Variants in TSNAXIP1 observed in about 807,000 individuals in gnomAD.
The protein encoded by TSNAXIP1 is translin associated factor X interacting protein 1, also known as translin-associated factor X-interacting protein 1.
A neutral mutation model predicts 84.8 loss-of-function variants in TSNAXIP1; 89 were observed. The ratio of observed to expected loss-of-function variants is 1.05; its 90% confidence interval spans 0.88 to 1.25. The LOEUF (loss-of-function observed/expected upper bound fraction) is 1.25, where lower values mean the gene tolerates loss of function less well. Ranked by LOEUF, TSNAXIP1 falls within the 50% of genes most tolerant of loss-of-function variation. TSNAXIP1 has a pLI of 0.00. For synonymous variants in TSNAXIP1, 347 were observed against 335.2 expected, an observed-to-expected ratio of 1.04 and a Z score of -0.39; for missense variants, 874 against 887.6, an observed-to-expected ratio of 0.98 and a Z score of 0.20.
At chr16:67,818,102 G>A (rs974256159) in intron 2 of TSNAXIP1, among the ~76,000 whole-genome samples, 11 of 151,930 alleles carry the variant, frequency 7.2e-5, no homozygotes, top group Admixed American at 6.6e-4. Context: ...CCGGCTACTC[G>A]GGAGGCTGAG....
rs1411298138 is a variant in TSNAXIP1 at position 67,807,323 on chromosome 16, C to T, written c.47+127C>T. The T allele has an allele frequency of 1.8e-5, 28 of 1,534,144 alleles. No homozygotes were observed. The Admixed American group carries it at 5.5e-4, about 30-fold the overall frequency. On this transcript the variant is annotated intron_variant, in intron 1 of 15. Coordinates refer to ENST00000561639, the MANE Select transcript of TSNAXIP1 (RefSeq NM_001288990.3). ...CCATTGATCTAGGGCTCCAGCACCA[C>T]AGAGTCAATGGTTAGAATCGGGCTG... is the stretch of plus-strand genomic sequence containing the variant.
In TSNAXIP1 at chr16:67,826,418, C is replaced by A. The variant is rs772571979; in HGVS notation, c.1276-19C>A. The stretch of plus-strand genomic sequence containing the variant: ...GGCCACAGATGGGTCCAGAGATGAG[C>A]TGATATCCTCCCTCCTAGGGCTATG... On this transcript the variant is annotated intron_variant, in intron 10 of 15. Transcript: ENST00000561639. 2.5e-6 allele frequency: 4 copies of A among 1,613,026 alleles called. No individual in the cohort carries two copies. The South Asian group carries it at 4.4e-5, about 18-fold the overall frequency.
At chr16:67,812,900 C>T (rs924206350) in intron 1 of TSNAXIP1, among the ~76,000 whole-genome samples, 1 of 152,104 alleles carries the variant, frequency 6.6e-6, no homozygotes, top group Admixed American at 6.6e-5. Flanking sequence ...CATGAGCTAC[C>T]ACGCCCAGAT....
chr16:67,824,065 C>T lies in TSNAXIP1; in HGVS notation c.481+346C>T, dbSNP rs563586055. 2.6e-5 allele frequency among the ~76,000 whole-genome samples: 4 copies of T among 151,612 alleles called. No individual in the cohort carries two copies. In the East Asian group the frequency reaches 7.7e-4, roughly 29 times the overall value. Reference sequence around the variant, plus strand: ...ATGCAGCTCCCCTCCTTGTCCCAGCCTGGAAGGGGTGGAGAAGATCCTATT... The same window carrying T: ...ATGCAGCTCCCCTCCTTGTCCCAGCTTGGAAGGGGTGGAGAAGATCCTATT... On this transcript the variant is annotated intron_variant, in intron 5 of 15. Coordinates refer to ENST00000561639, the MANE Select transcript of TSNAXIP1 (RefSeq NM_001288990.3).
chr16:67,818,695 A>AC (rs2056787697), intron 2 of TSNAXIP1, among the ~76,000 whole-genome samples: 1 of 143,010 alleles, frequency 7.0e-6, no homozygotes, highest in Non-Finnish European at 1.5e-5. Flanking sequence ...ACATAGTGAG[A>AC]CCCCATCCTT....
chr16:67,825,006 C>T (rs2057334794), intron 6 of TSNAXIP1, 131 bp from the exon 7 acceptor site: 1 of 1,329,396 alleles, frequency 7.5e-7, no homozygotes, highest in Non-Finnish European at 1.0e-6. Context: ...TGGCCAATCT[C>T]CTTCTTCTTT....
At chr16:67,814,629 C>G (rs898457879) in intron 2 of TSNAXIP1, among the ~76,000 whole-genome samples, 1 of 152,102 alleles carries the variant, frequency 6.6e-6, no homozygotes, top group African/African-American at 2.4e-5. Flanking sequence ...AAAGCCTTCC[C>G]GGATCTCCCT....
rs909516501 is a variant in TSNAXIP1, at chr16:67,824,655, A to G, written c.554A>G (p.Asn185Ser). 7.4e-6 allele frequency: 12 copies of G among 1,614,050 alleles called. No individual in the cohort carries two copies. The highest frequency in any genetic ancestry group is 5.0e-5 in the Admixed American group (3 of 59,996). Residue 185 changes from asparagine to serine, a missense_variant, in exon 6 of 16, where the codon AAT becomes AGT. Asn to Ser is a conservative substitution (Grantham distance 46). Transcript: ENST00000561639. ...AKLVTVNEDCNERILAMRAEE... is the reference protein window; with the variant it reads ...AKLVTVNEDCSERILAMRAEE... ...CTTGTCACTGTGAATGAGGACTGCA[A>G]TGAGAGGATCCTGGCCATGAGAGCT... is the stretch of plus-strand genomic sequence containing the variant.
Position 67,823,712 on chromosome 16 carries a change from GATGCTGGGTAAGAATGCACCTCCT to G in TSNAXIP1, c.475_481+17del. ...CCTCCATCAAGAATGCGTATGAGGG[GATGCTGGGTAAGAATGCACCTCCT>G]GCCAGGCGTAGTGGCTCACGCCTGT... On this transcript the variant is annotated splice_donor_variant and splice_donor_5th_base_variant and coding_sequence_variant and intron_variant, in exon 5 of 16. Coordinates refer to ENST00000561639, the MANE Select transcript of TSNAXIP1 (RefSeq NM_001288990.3). LOFTEE classifies it high-confidence loss of function. The G allele has an allele frequency of 6.2e-7, 1 of 1,612,230 alleles. No individual in the cohort carries two copies. The highest frequency in any genetic ancestry group is 8.5e-7 in the Non-Finnish European group (1 of 1,178,956).
At chr16:67,814,536 A>C in intron 2 of TSNAXIP1, 135 bp downstream of exon 2, 1 of 748,336 alleles carries the variant, frequency 1.3e-6, no homozygotes, top group East Asian at 2.7e-5. Context: ...GCTTCTTCTC[A>C]GTTAGAGAGT....
In TSNAXIP1 at chr16:67,828,026, G is replaced by T. The variant is rs1158835166; in HGVS notation, c.*33G>T. On this transcript the variant is annotated 3_prime_UTR_variant, in exon 16 of 16. Coordinates refer to ENST00000561639, the MANE Select transcript of TSNAXIP1 (RefSeq NM_001288990.3). ...TGGGCAGCCTGCGTACTCCAGTCCT[G>T]CTAACCCCTAGCTTTTAATATAAAA... The T allele has an allele frequency of 1.9e-6, 3 of 1,606,336 alleles. No homozygotes were observed.
chr16:67,819,196 C>A (rs1437393172), intron 2 of TSNAXIP1, among the ~76,000 whole-genome samples: 7 of 151,854 alleles, frequency 4.6e-5, no homozygotes, highest in South Asian at 4.2e-4. Flanking sequence ...TAAATAAATA[C>A]ATACATATAA....
intron 1 of TSNAXIP1, among the ~76,000 whole-genome samples, chr16:67,811,436 CTTTTTTTT>C (rs1190285857): frequency 2.0e-5 from 2 of 101,980 alleles, no homozygotes; most frequent in African/African-American, 8.8e-5. Context: ...ATTGATTAGT[CTTTTTTTT>C]TTTTTTTTTT....
intron 2 of TSNAXIP1, among the ~76,000 whole-genome samples, chr16:67,815,308 C>T (rs2056444930): frequency 9.5e-6 from 1 of 105,484 alleles, no homozygotes; most frequent in Admixed American, 1.3e-4. Flanking sequence ...AGCAAGACTA[C>T]ATCTCAAAAA....
Position 67,825,687 on chromosome 16 carries a change from G to A in TSNAXIP1, c.835G>A (p.Val279Met), listed in dbSNP as rs773705426. 1.1e-5 allele frequency: 17 copies of A among 1,613,332 alleles called. No homozygotes were observed. Among genetic ancestry groups the A allele is most frequent in the African/African-American group, 4.0e-5 (3 of 74,910 alleles). Residue 279 changes from valine to methionine, a missense_variant, in exon 8 of 16, where the codon GTG becomes ATG. Val to Met is a conservative substitution (Grantham distance 21, BLOSUM62 1). Transcript: ENST00000561639. The part of the protein sequence containing the change: ...QSPGIWGEDP[V>M]KLTLALKMTR... Reference sequence around the variant, plus strand: ...GGCAGGCATCTGGGGGGAGGACCCTGTGAAGTTAACCCTGGCTCTTAAGAT... The same window carrying A: ...GGCAGGCATCTGGGGGGAGGACCCTATGAAGTTAACCCTGGCTCTTAAGAT...
At chr16:67,825,019 C>A in intron 6 of TSNAXIP1, 118 bp from the exon 7 acceptor site, 1 of 1,390,676 alleles carries the variant, frequency 7.2e-7, no homozygotes. Context: ...TCTTCTTTCA[C>A]CTTTCCTGTT....
chr16:67,808,802 T>C (rs532653257), intron 1 of TSNAXIP1, among the ~76,000 whole-genome samples: 11 of 152,108 alleles, frequency 7.2e-5, no homozygotes, highest in African/African-American at 1.7e-4. Flanking sequence ...AAGAGAATTG[T>C]TACCCAGCAC....
Position 67,823,659 on chromosome 16 carries a change from G to A in TSNAXIP1, c.421G>A (p.Asp141Asn). ...AGAGATCTTTGAGTTCTTCATAGAG[G>A]ACTTCAAAACGTACAAGCCATTACT... ...YREIFEFFIE[D>N]FKTYKPLLSS... The change falls in exon 5 of 16, where the codon GAC becomes AAC. Residue 141 changes from aspartate (D) to asparagine (N), a missense_variant. Physicochemically the swap from Asp to Asn is conservative, Grantham distance 23. Coordinates refer to ENST00000561639, the MANE Select transcript of TSNAXIP1 (RefSeq NM_001288990.3). 1 of 1,613,852 alleles carries A rather than the reference G, an allele frequency of 6.2e-7. No individual in the cohort carries two copies. Among genetic ancestry groups the A allele is most frequent in the Non-Finnish European group, 8.5e-7 (1 of 1,179,862 alleles).
Position 67,807,158 on chromosome 16 carries a change from C to A in TSNAXIP1, c.9C>A (p.Cys3Ter), listed in dbSNP as rs1240340018. 1.3e-6 allele frequency: 2 copies of A among 1,535,528 alleles called. No individual in the cohort carries two copies. Among genetic ancestry groups the A allele is most frequent in the Non-Finnish European group, 8.7e-7 (1 of 1,146,848 alleles). ...CCGCCTGCCCGTGGGTCATGGCCTGCCAGCAGTCGCGGTACCACAGCTTCT... is the reference window on the plus strand; with the variant it reads ...CCGCCTGCCCGTGGGTCATGGCCTGACAGCAGTCGCGGTACCACAGCTTCT... MA[C>*]QQSRYHSFSS... The change falls in exon 1 of 16, where the codon TGC (cysteine) becomes TGA (stop). Residue 3 changes from cysteine to a stop codon, truncating the protein, a stop_gained. Transcript: ENST00000561639. LOFTEE classifies it high-confidence loss of function.
Sources: gnomAD v4.1 joint callset for allele counts (sites outside exome capture counted in the v4.1 genomes callset) on GRCh38, gnomAD v4.1.1 for gene constraint, MANE v1.5 for transcripts, NCBI Gene and HGNC (gene_info 2026-07-23, HGNC 2026-07-21) for gene names.